The following DIAPH2 variants were observed in gnomAD, a reference collection of about 807,000 sequenced individuals.
DIAPH2 encodes diaphanous related formin 2.
DIAPH2 carries 35 observed loss-of-function variants against 92.7 expected under a neutral mutation model. That is an observed-to-expected ratio of 0.38 (90% confidence interval 0.29 to 0.50). The LOEUF (loss-of-function observed/expected upper bound fraction) is 0.50, where lower values mean the gene tolerates loss of function less well. Among genes scored for constraint, DIAPH2 ranks in the 20% least tolerant of loss-of-function variants. The pLI is 0.94. For missense variants in DIAPH2, 701 were observed against 819.5 expected, an observed-to-expected ratio of 0.86 and a Z score of 1.77; for synonymous variants, 301 against 280.4, an observed-to-expected ratio of 1.07 and a Z score of -0.73.
chrX:97,152,999 A>G lies in DIAPH2; in HGVS notation c.2719+11205A>G, dbSNP rs138339687. On this transcript the variant is annotated intron_variant, in intron 22 of 26. Transcript: ENST00000324765. ...CAGGGATGAGAATCAGGACACACAC[A>G]TTTGAGTTCCAGCTTTGTTACCAGC... Among the ~76,000 whole-genome samples the G allele has an allele frequency of 3.0e-3, 331 of 111,819 alleles. 1 individual carries two copies. The highest frequency in any genetic ancestry group is 0.01 in the African/African-American group (321 of 30,819).
chrX:96,981,428 A>G (rs1182879418), intron 17 of DIAPH2, among the ~76,000 whole-genome samples: 1 of 111,955 alleles, frequency 8.9e-6, no homozygotes, highest in Non-Finnish European at 1.9e-5. Flanking sequence ...TACAATAATA[A>G]TCAATAGAAT....
intron 21 of DIAPH2, among the ~76,000 whole-genome samples, chrX:97,138,256 T>TA (rs2067186451): frequency 8.9e-6 from 1 of 112,108 alleles, no homozygotes; most frequent in Non-Finnish European, 1.9e-5. Flanking sequence ...AGAAATTTCT[T>TA]ATGTGTCAAT....
intron 21 of DIAPH2, among the ~76,000 whole-genome samples, chrX:97,131,206 G>A (rs1259392628): frequency 9.0e-6 from 1 of 111,366 alleles, no homozygotes; most frequent in Admixed American, 9.6e-5. Flanking sequence ...ACCAGATATT[G>A]AAAATGTTCG....
At chrX:97,502,431 T>A (rs758165222) in intron 26 of DIAPH2, among the ~76,000 whole-genome samples, 99 of 112,327 alleles carry the variant, frequency 8.8e-4, no homozygotes, top group Non-Finnish European at 1.6e-3. Context: ...TGTATTATAG[T>A]CTTACATGTG....
chrX:97,063,057 G>T (rs1216570124), intron 17 of DIAPH2, among the ~76,000 whole-genome samples: 2 of 97,307 alleles, frequency 2.1e-5, no homozygotes, highest in African/African-American at 6.9e-5. Context: ...AAAAAAGAAG[G>T]AAATGAAATC....
chrX:97,357,032 C>G (rs986890110), intron 24 of DIAPH2, among the ~76,000 whole-genome samples: 7 of 111,783 alleles, frequency 6.3e-5, no homozygotes, highest in African/African-American at 1.6e-4. Flanking sequence ...GAACTAGAAT[C>G]AGGAAACAGA....
rs1185380252 is a variant in DIAPH2, at chrX:96,846,511, ATAGT to A, written c.448-35065_448-35062del. On this transcript the variant is annotated intron_variant, in intron 4 of 26. Coordinates refer to ENST00000324765, the MANE Select transcript of DIAPH2 (RefSeq NM_006729.5). ...AATTATGAAACCTGCAATATTAAGC[ATAGT>A]TAAACTTTCAAATAAAGCAAATGTA... 7.1e-5 allele frequency among the ~76,000 whole-genome samples: 8 copies of A among 112,275 alleles called. No individual in the cohort carries two copies. In the South Asian group the frequency reaches 1.5e-3, roughly 20 times the overall value.
intron 9 of DIAPH2, among the ~76,000 whole-genome samples, chrX:96,929,496 C>G (rs1328091522): frequency 1.8e-5 from 2 of 110,647 alleles, no homozygotes; most frequent in Non-Finnish European, 3.8e-5. Context: ...GATTTTTGAA[C>G]ATAGATGTGA....
chrX:97,107,675 A>G (rs1414113601), intron 20 of DIAPH2, among the ~76,000 whole-genome samples: 1 of 111,980 alleles, frequency 8.9e-6, no homozygotes, highest in Non-Finnish European at 1.9e-5. Context: ...TGGTTTCATG[A>G]TCATTCTTTT....
intron 22 of DIAPH2, among the ~76,000 whole-genome samples, chrX:97,237,481 C>T (rs1294783726): frequency 9.0e-6 from 1 of 111,034 alleles, no homozygotes; most frequent in African/African-American, 3.3e-5. Flanking sequence ...AAAGACTTGA[C>T]CTATTAAAAT....
intron 24 of DIAPH2, among the ~76,000 whole-genome samples, chrX:97,380,464 AG>A (rs2069541744): frequency 1.8e-5 from 2 of 111,752 alleles, no homozygotes; most frequent in Admixed American, 9.5e-5. Flanking sequence ...TCAATTATTT[AG>A]GGGATTTTCT....
intron 1 of DIAPH2, among the ~76,000 whole-genome samples, chrX:96,686,328 A>G (rs920121264): frequency 9.0e-6 from 1 of 111,529 alleles, no homozygotes; most frequent in Non-Finnish European, 1.9e-5. Context: ...GTTAACTGAT[A>G]GTTTCCACAA....
chrX:97,437,776 A>ACG (rs1231737037), intron 26 of DIAPH2, among the ~76,000 whole-genome samples: 3 of 110,023 alleles, frequency 2.7e-5, no homozygotes, highest in Admixed American at 9.8e-5. Flanking sequence ...ACACACACAC[A>ACG]CACACACACA....
chrX:97,023,418 T>G (rs979484812), intron 17 of DIAPH2, among the ~76,000 whole-genome samples: 5 of 111,829 alleles, frequency 4.5e-5, no homozygotes, highest in Admixed American at 9.5e-5. Flanking sequence ...CTGCTCTAAG[T>G]GTTTAATGCA....
intron 5 of DIAPH2, among the ~76,000 whole-genome samples, chrX:96,911,492 C>T (rs2065468406): frequency 9.0e-6 from 1 of 111,347 alleles, no homozygotes; most frequent in African/African-American, 3.3e-5. Context: ...GCGTACTCAG[C>T]TCCTGCCACA....
intron 4 of DIAPH2, among the ~76,000 whole-genome samples, chrX:96,778,126 T>G (rs2147622355): frequency 9.7e-6 from 1 of 102,670 alleles, no homozygotes; most frequent in Non-Finnish European, 2.0e-5. Flanking sequence ...AGTGAGAACA[T>G]GTGGTGTCTG....
chrX:97,281,061 T>C (rs2068492543), intron 23 of DIAPH2, among the ~76,000 whole-genome samples: 1 of 112,344 alleles, frequency 8.9e-6, no homozygotes, highest in Non-Finnish European at 1.9e-5. Flanking sequence ...TTCTACTTTT[T>C]GCATCATGAT....
chrX:97,374,054 G>A (rs1442404629), intron 24 of DIAPH2, among the ~76,000 whole-genome samples: 3 of 109,934 alleles, frequency 2.7e-5, no homozygotes. Context: ...GCTATTGGAA[G>A]CACTATTTTT....
At chrX:97,258,784 T>C (rs1465600024) in intron 23 of DIAPH2, among the ~76,000 whole-genome samples, 10 of 90,840 alleles carry the variant, frequency 1.1e-4, no homozygotes, top group Non-Finnish European at 1.9e-4. Context: ...GGCAGGAGAA[T>C]GGCGTGAACC....
Sources: gnomAD v4.1 joint callset for allele counts (sites outside exome capture counted in the v4.1 genomes callset) on GRCh38, gnomAD v4.1.1 for gene constraint, MANE v1.5 for transcripts, NCBI Gene and HGNC (gene_info 2026-07-23, HGNC 2026-07-21) for gene names.